Variants in LAMB4 observed in about 807,000 individuals in gnomAD.
LAMB4 encodes laminin subunit beta 4, also known as laminin subunit beta-4.
LAMB4 carries 196 observed loss-of-function variants against 199.2 expected under a neutral mutation model. That is an observed-to-expected ratio of 0.98 (90% confidence interval 0.88 to 1.11). The LOEUF is 1.11. Ranked by LOEUF, LAMB4 falls within the 50% of genes least tolerant of loss-of-function variation. The pLI is 0.00. For synonymous variants in LAMB4, 744 were observed against 770.6 expected, an observed-to-expected ratio of 0.97 and a Z score of 0.57; for missense variants, 2,080 against 2,171.2, an observed-to-expected ratio of 0.96 and a Z score of 0.83.
intron 14 of LAMB4, among the ~76,000 whole-genome samples, chr7:108,087,323 C>G (rs1434671856): frequency 6.6e-6 from 1 of 152,148 alleles, no homozygotes; most frequent in East Asian, 1.9e-4. Flanking sequence ...CCATTTTATT[C>G]ACTTGAGAAG....
intron 7 of LAMB4, 119 bp downstream of exon 7, chr7:108,106,390 C>T (rs1322375502): frequency 6.0e-6 from 4 of 669,256 alleles, no homozygotes; most frequent in South Asian, 5.9e-5. Flanking sequence ...TGCACTCCAG[C>T]CTGGATGACA....
chr7:108,039,976 C>T (rs765618074), intron 29 of LAMB4, among the ~76,000 whole-genome samples: 20 of 152,160 alleles, frequency 1.3e-4, no homozygotes, highest in Non-Finnish European at 2.6e-4. Context: ...GTCAAACTAT[C>T]CCTGTTTGCA....
chr7:108,067,419 A>G (rs1158081024), intron 19 of LAMB4, among the ~76,000 whole-genome samples: 2 of 152,226 alleles, frequency 1.3e-5, no homozygotes, highest in African/African-American at 2.4e-5. Flanking sequence ...AATGATTTAC[A>G]CTGTGAAGAG....
At chr7:108,124,246 AC>A (rs1474554598) in intron 1 of LAMB4, among the ~76,000 whole-genome samples, 1 of 152,198 alleles carries the variant, frequency 6.6e-6, no homozygotes, top group Non-Finnish European at 1.5e-5. Flanking sequence ...ATTTTTAATT[AC>A]TGCATAGTAT....
In LAMB4 at chr7:108,047,943, T is replaced by C. The variant is rs1381761862; in HGVS notation, c.4291A>G (p.Asn1431Asp). Residue 1431 changes from asparagine to aspartate, a missense_variant, in exon 28 of 34, where the codon AAT (asparagine) becomes GAT (aspartate). Physicochemically the swap from Asn to Asp is conservative, Grantham distance 23. Transcript: ENST00000388781. ...AACCCACGAACCTGTTTGTCCAAATTACGAATAATGGATTTTGCTTCCTGG... is the reference window on the plus strand; with the variant it reads ...AACCCACGAACCTGTTTGTCCAAATCACGAATAATGGATTTTGCTTCCTGG... ...KAQEAKSIIRNLDKQVRGLKN... is the reference protein window; with the variant it reads ...KAQEAKSIIRDLDKQVRGLKN... 1.2e-6 allele frequency: 2 copies of C among 1,614,160 alleles called. No individual in the cohort carries two copies. The highest frequency in any genetic ancestry group is 1.7e-5 in the Admixed American group (1 of 60,026).
At chr7:108,106,320 A>G (rs2038008496) in intron 7 of LAMB4, among the ~76,000 whole-genome samples, 189 bp downstream of exon 7, 1 of 152,090 alleles carries the variant, frequency 6.6e-6, no homozygotes, top group African/African-American at 2.4e-5. Flanking sequence ...TGGGAGGCCG[A>G]GGAACAAGAA....
intron 3 of LAMB4, among the ~76,000 whole-genome samples, chr7:108,114,122 G>C (rs2038327176): frequency 6.6e-6 from 1 of 152,202 alleles, no homozygotes; most frequent in Non-Finnish European, 1.5e-5. Flanking sequence ...GGGAGAACAA[G>C]ATGGCTGGCG....
Position 108,103,049 on chromosome 7 carries a change from C to A in LAMB4, c.1175G>T (p.Cys392Phe). The A allele has an allele frequency of 6.3e-7, 1 of 1,583,448 alleles. No homozygotes were observed. Among genetic ancestry groups the A allele is most frequent in the Non-Finnish European group, 8.6e-7 (1 of 1,157,712 alleles). ...AGGCAGACCCGGGGACTCACGAATG[C>A]ACGCGTAGGGATCTGAGATGGTCTT... ...PLKTISDPYA[C>F]IPCECDPDGT... The change falls in exon 10 of 34, where the codon TGC becomes TTC. Residue 392 changes from cysteine to phenylalanine, a missense_variant. Physicochemically the swap from Cys to Phe is radical, Grantham distance 205 (BLOSUM62 -2). Transcript: ENST00000388781.
chr7:108,123,124 TACTC>T lies in LAMB4; in HGVS notation c.34+3_34+6del, dbSNP rs1257727702. 3.7e-6 allele frequency: 6 copies of T among 1,606,216 alleles called. No individual in the cohort carries two copies. The African/African-American group carries it at 4.0e-5, about 11-fold the overall frequency. On this transcript the variant is annotated splice_donor_5th_base_variant and intron_variant, in intron 2 of 33. Transcript: ENST00000388781. ...GCAGTAAATAGATTTTGACAACAAATACTCACCAAGGTGCAAAAAAAGGGTCAGT... is the reference window on the plus strand; with the variant it reads ...GCAGTAAATAGATTTTGACAACAAATACCAAGGTGCAAAAAAAGGGTCAGT...
chr7:108,051,388 A>T (rs2035823342), intron 26 of LAMB4, among the ~76,000 whole-genome samples: 1 of 152,038 alleles, frequency 6.6e-6, no homozygotes, highest in African/African-American at 2.4e-5. Flanking sequence ...CCTGACATGG[A>T]TTCATGTATA....
At chr7:108,061,137 A>G (rs2036146068) in intron 23 of LAMB4, among the ~76,000 whole-genome samples, 1 of 152,206 alleles carries the variant, frequency 6.6e-6, no homozygotes, top group Non-Finnish European at 1.5e-5. Flanking sequence ...GAATTGATGG[A>G]CATTCTACAA....
chr7:108,025,033 T>C (rs1584572668), intron 33 of LAMB4, among the ~76,000 whole-genome samples: 1 of 152,206 alleles, frequency 6.6e-6, no homozygotes, highest in Non-Finnish European at 1.5e-5. Flanking sequence ...TTTGGAGTAA[T>C]TGTCAAACTA....
chr7:108,031,000 A>G, intron 31 of LAMB4, 21 bp from the exon 32 acceptor site: 1 of 1,604,466 alleles, frequency 6.2e-7, no homozygotes. Context: ...TTTAAAGACC[A>G]AAAAGGGAAA....
At chr7:108,057,736 C>T in intron 24 of LAMB4, 96 bp downstream of exon 24, 3 of 746,644 alleles carry the variant, frequency 4.0e-6, no homozygotes, top group East Asian at 2.6e-5. Context: ...TTAAAAGCAC[C>T]AAAAAAAGAA....
chr7:108,066,107 A>G (rs1208822506), intron 20 of LAMB4, among the ~76,000 whole-genome samples, 188 bp from the exon 21 acceptor site: 2 of 152,212 alleles, frequency 1.3e-5, no homozygotes, highest in Non-Finnish European at 2.9e-5. Flanking sequence ...ATTAAACTCT[A>G]TGTAATAGCA....
At chr7:108,088,124 T>C (rs2150600948) in intron 14 of LAMB4, among the ~76,000 whole-genome samples, 1 of 152,254 alleles carries the variant, frequency 6.6e-6, no homozygotes, top group African/African-American at 2.4e-5. Flanking sequence ...TCCTTGTTGC[T>C]GGAAATACAC....
At chr7:108,118,455 G>C (rs750179279) in intron 2 of LAMB4, among the ~76,000 whole-genome samples, 18 of 152,094 alleles carry the variant, frequency 1.2e-4, no homozygotes, top group Non-Finnish European at 2.4e-4. Context: ...GAACAGAATA[G>C]AGAACCCAGA....
rs564618595 is a variant in LAMB4, at chr7:108,061,905, G to A, written c.3282+869C>T. ...GAATAGTGGAGCTGAAATTGGAGGT[G>A]AGCCATGCTTACTAATTGGAAAGAC... On this transcript the variant is annotated intron_variant, in intron 23 of 33. Coordinates refer to ENST00000388781, the MANE Select transcript of LAMB4 (RefSeq NM_007356.3). Among the ~76,000 whole-genome samples, 9 of 152,246 alleles carry A rather than the reference G, an allele frequency of 5.9e-5. No homozygotes were observed. The South Asian group carries it at 1.7e-3, about 28-fold the overall frequency.
At chr7:108,093,326 A>G (rs2037481741) in intron 12 of LAMB4, among the ~76,000 whole-genome samples, 1 of 152,234 alleles carries the variant, frequency 6.6e-6, no homozygotes, top group East Asian at 1.9e-4. Context: ...CGGCCTCCCA[A>G]AGTGCTGGGA....
Sources: allele counts gnomAD v4.1 joint callset (sites outside exome capture counted in the v4.1 genomes callset), GRCh38; gene constraint gnomAD v4.1.1; transcripts MANE v1.5; gene names NCBI Gene and HGNC (gene_info 2026-07-23, HGNC 2026-07-21).